Variants in MAPK10 observed in about 807,000 individuals in gnomAD.
MAPK10 encodes mitogen-activated protein kinase 10.
In MAPK10, 25 loss-of-function variants were observed where a neutral mutation model predicts 59.3. That is an observed-to-expected ratio of 0.42 (90% CI 0.31 to 0.59). The LOEUF (loss-of-function observed/expected upper bound fraction) is 0.59. Ranked by LOEUF, MAPK10 falls within the 20% of genes least tolerant of loss-of-function variation. The pLI is 0.15. For missense variants in MAPK10, 351 were observed against 568.9 expected, an observed-to-expected ratio of 0.62 and a Z score of 3.90; for synonymous variants, 190 against 200.5, an observed-to-expected ratio of 0.95 and a Z score of 0.44.
chr4:86,498,894 C>T (rs1755093239), intron 1 of MAPK10, among the ~76,000 whole-genome samples: 1 of 152,114 alleles, frequency 6.6e-6, no homozygotes, highest in Admixed American at 6.5e-5. Flanking sequence ...AGTAAAATAA[C>T]AAAGTTCTTA....
intron 1 of MAPK10, among the ~76,000 whole-genome samples, chr4:86,485,317 C>A (rs1753904783): frequency 2.0e-5 from 3 of 152,100 alleles, no homozygotes; most frequent in African/African-American, 7.2e-5. Flanking sequence ...GTAATTTTTA[C>A]ATGTTTAAAA....
chr4:86,516,629 T>G (rs948470404), intron 1 of MAPK10, among the ~76,000 whole-genome samples: 18 of 133,054 alleles, frequency 1.4e-4, no homozygotes, highest in African/African-American at 2.8e-4. Context: ...TAAGGGTTTT[T>G]TTGTTGTTGT....
intron 1 of MAPK10, among the ~76,000 whole-genome samples, chr4:86,388,669 G>A (rs1221135030): frequency 6.6e-6 from 1 of 152,100 alleles, no homozygotes; most frequent in East Asian, 1.9e-4. Context: ...CAAGGATGGC[G>A]ATTGAATCCA....
intron 4 of MAPK10, among the ~76,000 whole-genome samples, chr4:86,114,947 G>A (rs375983210): frequency 1.6e-4 from 24 of 152,354 alleles, no homozygotes; most frequent in East Asian, 7.7e-4. Context: ...GTCTGGCCAC[G>A]ATCTGCCACA....
At chr4:86,413,925 C>T in intron 1 of MAPK10, among the ~76,000 whole-genome samples, 1 of 152,180 alleles carries the variant, frequency 6.6e-6, no homozygotes, top group East Asian at 1.9e-4. Context: ...GGGTGGCACC[C>T]ACTGTCCAAC....
intron 1 of MAPK10, among the ~76,000 whole-genome samples, chr4:86,522,737 C>T (rs1320173212): frequency 6.6e-6 from 1 of 152,152 alleles, no homozygotes; most frequent in Non-Finnish European, 1.5e-5. Context: ...GTGTGAGAAG[C>T]TACACATAGA....
At position 86,359,914 on chromosome 4, in the gene MAPK10, A is replaced by G. The variant is rs139034478; in HGVS notation, c.-378T>C. The G allele has an allele frequency of 8.7e-3, 8,529 of 985,810 alleles. 35 individuals are homozygous for G. The highest frequency in any genetic ancestry group is 0.019 in the South Asian group (396 of 21,280). The allele number at this position is 985,810 out of a possible 1,614,324, so 61.1% of individuals were successfully genotyped here. On this transcript the variant is annotated 5_prime_UTR_variant, in exon 1 of 14. It removes an upstream start codon present in the reference 5' UTR. Transcript: ENST00000641462. ...GAAAAAAGAAAAGAAAAAGGTAAGC[A>G]TATAGCAAGCACCACCCACCCCCAT...
intron 2 of MAPK10, among the ~76,000 whole-genome samples, chr4:86,216,141 C>T (rs1486826202): frequency 3.3e-5 from 5 of 151,766 alleles, no homozygotes; most frequent in African/African-American, 1.2e-4. Flanking sequence ...GAATTGAAAG[C>T]AGGGTCTCAA....
chr4:86,462,077 G>A (rs966562121), intron 1 of MAPK10, among the ~76,000 whole-genome samples: 1 of 152,084 alleles, frequency 6.6e-6, no homozygotes, highest in African/African-American at 2.4e-5. Flanking sequence ...TACAATATTT[G>A]TCCCCCGCCA....
At chr4:86,536,949 T>C (rs1758289620) in intron 1 of MAPK10, among the ~76,000 whole-genome samples, 1 of 151,910 alleles carries the variant, frequency 6.6e-6, no homozygotes, top group African/African-American at 2.4e-5. Flanking sequence ...GGGAAAGCCA[T>C]GGTGGTAAGA....
At chr4:86,299,432 A>T (rs2095427974) in intron 2 of MAPK10, among the ~76,000 whole-genome samples, 1 of 152,182 alleles carries the variant, frequency 6.6e-6, no homozygotes, top group Non-Finnish European at 1.5e-5. Context: ...CCCTTATAAC[A>T]GAGTCTGGAG....
intron 2 of MAPK10, among the ~76,000 whole-genome samples, chr4:86,349,340 T>C (rs1418009461): frequency 6.6e-6 from 1 of 152,258 alleles, no homozygotes; most frequent in African/African-American, 2.4e-5. Context: ...TTCATGTGTC[T>C]GTCTTTGTCC....
At chr4:86,483,632 C>T (rs1753767261) in intron 1 of MAPK10, among the ~76,000 whole-genome samples, 1 of 151,894 alleles carries the variant, frequency 6.6e-6, no homozygotes, top group Non-Finnish European at 1.5e-5. Flanking sequence ...TTATCGAACA[C>T]CTGCTAAGAA....
intron 1 of MAPK10, among the ~76,000 whole-genome samples, chr4:86,520,466 A>G (rs1268717282): frequency 1.3e-5 from 2 of 149,218 alleles, no homozygotes; most frequent in Non-Finnish European, 3.0e-5. Flanking sequence ...GTAAGTTGTG[A>G]TTGTCTGTTC....
chr4:86,452,029 C>G (rs1485757221), intron 1 of MAPK10, among the ~76,000 whole-genome samples: 1 of 152,102 alleles, frequency 6.6e-6, no homozygotes, highest in Non-Finnish European at 1.5e-5. Flanking sequence ...AGTGAGGAGA[C>G]TGAAATGCAG....
At chr4:86,227,058 CTT>C (rs1246609975) in intron 2 of MAPK10, among the ~76,000 whole-genome samples, 1 of 152,030 alleles carries the variant, frequency 6.6e-6, no homozygotes, top group African/African-American at 2.4e-5. Context: ...CACAATTTGT[CTT>C]GTCAGTCATG....
intron 3 of MAPK10, among the ~76,000 whole-genome samples, chr4:86,187,239 A>G (rs1007917501): frequency 6.6e-6 from 1 of 152,188 alleles, no homozygotes; most frequent in Non-Finnish European, 1.5e-5. Context: ...AGTTAGGCAC[A>G]GTAAGATATT....
intron 1 of MAPK10, among the ~76,000 whole-genome samples, chr4:86,408,780 C>A (rs1744726346): frequency 6.6e-6 from 1 of 151,984 alleles, no homozygotes; most frequent in Non-Finnish European, 1.5e-5. Context: ...TGTTTAAGTT[C>A]TTTGTAGATT....
At chr4:86,173,920 GAT>G (rs2075026541) in intron 3 of MAPK10, among the ~76,000 whole-genome samples, 1 of 125,364 alleles carries the variant, frequency 8.0e-6, no homozygotes, top group Admixed American at 7.7e-5. Flanking sequence ...ACCACAATGA[GAT>G]AACATCTCAC....
Sources: allele counts gnomAD v4.1 joint callset (sites outside exome capture counted in the v4.1 genomes callset), GRCh38; gene constraint gnomAD v4.1.1; transcripts MANE v1.5; gene names NCBI Gene and HGNC (gene_info 2026-07-23, HGNC 2026-07-21).